The following KIAA0586 variants were observed in gnomAD, a reference collection of about 807,000 sequenced individuals.
KIAA0586 encodes KIAA0586.
In KIAA0586, 144 loss-of-function variants were observed where a neutral mutation model predicts 169.8. That is an observed-to-expected ratio of 0.85 (90% confidence interval 0.74 to 0.97). The LOEUF (loss-of-function observed/expected upper bound fraction) is 0.97, where lower values mean the gene tolerates loss of function less well. KIAA0586 is among the 50% of genes least tolerant of loss of function. KIAA0586 has a pLI of 0.00. For missense variants in KIAA0586, 1,854 were observed against 1,823.0 expected (o/e 1.02, Z -0.31); for synonymous variants, 625 against 612.4 (o/e 1.02, Z -0.30).
At chr14:58,449,325 G>A (rs537385175) in intron 7 of KIAA0586, among the ~76,000 whole-genome samples, 4 of 152,270 alleles carry the variant, frequency 2.6e-5, no homozygotes, top group Admixed American at 6.5e-5. Context: ...CCAGGAATTC[G>A]AGACCAACCT....
intron 29 of KIAA0586, among the ~76,000 whole-genome samples, chr14:58,523,142 A>G (rs921299395): frequency 4.6e-5 from 7 of 152,200 alleles, no homozygotes; most frequent in Non-Finnish European, 8.8e-5. Context: ...AAGGATTGAC[A>G]TGGAAAATCT....
At chr14:58,501,475 A>G (rs2043567707) in intron 27 of KIAA0586, among the ~76,000 whole-genome samples, 1 of 152,256 alleles carries the variant, frequency 6.6e-6, no homozygotes, top group African/African-American at 2.4e-5. Context: ...ATCTGAGAGC[A>G]ACTAGGTACT....
chr14:58,439,335 T>C (rs1012754448), intron 4 of KIAA0586, among the ~76,000 whole-genome samples: 1 of 152,100 alleles, frequency 6.6e-6, no homozygotes, highest in Non-Finnish European at 1.5e-5. Flanking sequence ...TACAGGCGCC[T>C]GCCACCACGC....
At chr14:58,559,185 A>G in the KIAA0586 span, among the ~76,000 whole-genome samples, 1 of 152,224 alleles carries the variant, frequency 6.6e-6, no homozygotes. Flanking sequence ...TTCACCCAGC[A>G]CATGTGCAGT....
intron 27 of KIAA0586, among the ~76,000 whole-genome samples, chr14:58,505,431 T>C (rs1266090032): frequency 1.3e-5 from 2 of 152,226 alleles, no homozygotes; most frequent in African/African-American, 4.8e-5. Flanking sequence ...ACACACATCC[T>C]ACCAGATTGT....
At chr14:58,508,955 T>C (rs550501172) in intron 28 of KIAA0586, among the ~76,000 whole-genome samples, 64 of 152,124 alleles carry the variant, frequency 4.2e-4, no homozygotes, top group Non-Finnish European at 8.4e-4. Flanking sequence ...AATGGCCAGG[T>C]GCAATGGCTC....
intron 3 of KIAA0586, among the ~76,000 whole-genome samples, chr14:58,432,020 G>A (rs1175727113): frequency 6.6e-6 from 1 of 152,198 alleles, no homozygotes; most frequent in Non-Finnish European, 1.5e-5. Context: ...TCAGTGAACA[G>A]AGGTAATTGG....
intron 5 of KIAA0586, 151 bp from the exon 6 acceptor site, chr14:58,443,803 A>G: frequency 1.6e-6 from 1 of 606,290 alleles, no homozygotes. Flanking sequence ...GACTCTAAAA[A>G]TAAAGGCATT....
intron 4 of KIAA0586, chr14:58,433,428 T>G (rs2037548014): frequency 6.6e-6 from 1 of 152,244 alleles, no homozygotes; most frequent in African/African-American, 2.4e-5. Flanking sequence ...TTGTTTGTCT[T>G]AAGAAATTTT....
At chr14:58,519,747 C>T (rs2045054846) in intron 29 of KIAA0586, among the ~76,000 whole-genome samples, 1 of 151,956 alleles carries the variant, frequency 6.6e-6, no homozygotes, top group Non-Finnish European at 1.5e-5. Context: ...AGCTTGTTTC[C>T]CAGTGTAGCA....
intron 29 of KIAA0586, among the ~76,000 whole-genome samples, chr14:58,528,132 T>A (rs1420106408): frequency 2.0e-5 from 3 of 152,220 alleles, no homozygotes; most frequent in African/African-American, 7.2e-5. Context: ...GGTAAAGGGA[T>A]CAATGCGACA....
intron 29 of KIAA0586, among the ~76,000 whole-genome samples, chr14:58,536,299 C>A (rs57991477): frequency 5.9e-5 from 9 of 152,176 alleles, no homozygotes; most frequent in South Asian, 2.1e-4. Context: ...CCCTGCCCCC[C>A]CTTCGCTGGC....
At chr14:58,505,667 A>G (rs1341464019) in intron 27 of KIAA0586, among the ~76,000 whole-genome samples, 3 of 152,122 alleles carry the variant, frequency 2.0e-5, no homozygotes, top group African/African-American at 7.2e-5. Context: ...ATATGAAGAT[A>G]TGTTTCTGAC....
chr14:58,529,835 C>T (rs1466239509), intron 29 of KIAA0586, among the ~76,000 whole-genome samples: 1 of 152,126 alleles, frequency 6.6e-6, no homozygotes, highest in African/African-American at 2.4e-5. Flanking sequence ...CGATTCAACA[C>T]ACTACTGGAA....
intron 8 of KIAA0586, among the ~76,000 whole-genome samples, chr14:58,452,332 C>T (rs1340973365): frequency 2.6e-5 from 4 of 152,098 alleles, no homozygotes; most frequent in Admixed American, 2.6e-4. Context: ...AAATGTACCC[C>T]TTCTAACAAA....
In KIAA0586 at chr14:58,508,823, G is replaced by A. The variant is rs2044185011; in HGVS notation, c.4323+114G>A. Reference sequence around the variant, plus strand: ...CTGGAGTCAGATAGCTTCAAATCATGCCTCCTTTATTTCCTAACTCAAGTC... The same window carrying A: ...CTGGAGTCAGATAGCTTCAAATCATACCTCCTTTATTTCCTAACTCAAGTC... On this transcript the variant is annotated intron_variant, in intron 28 of 30. Coordinates refer to ENST00000652326, the MANE Select transcript of KIAA0586 (RefSeq NM_001329943.3). 9.5e-6 allele frequency: 7 copies of A among 739,324 alleles called. No homozygotes were observed. The South Asian group carries it at 1.1e-4, about 12-fold the overall frequency. 45.8% of individuals were successfully genotyped at this position (739,324 alleles called of 1,614,324 possible).
At chr14:58,538,870 C>T (rs905193678) in intron 29 of KIAA0586, among the ~76,000 whole-genome samples, 11 of 152,096 alleles carry the variant, frequency 7.2e-5, no homozygotes, top group African/African-American at 2.7e-4. Flanking sequence ...ACCTCTGCCT[C>T]CTGGACTCAA....
At position 58,502,431 on chromosome 14, in the gene KIAA0586, C is replaced by T. The variant is rs568628279; in HGVS notation, c.4168+3471C>T. Among the ~76,000 whole-genome samples the T allele has an allele frequency of 3.9e-5, 6 of 152,310 alleles. No individual in the cohort carries two copies. In the South Asian group the frequency reaches 6.2e-4, roughly 16 times the overall value. Reference sequence around the variant, plus strand: ...CTGGGATTACACGTGTGAGCCACTGCGCCCAGCTGATAATGTCTTTTATAA... The same window carrying T: ...CTGGGATTACACGTGTGAGCCACTGTGCCCAGCTGATAATGTCTTTTATAA... On this transcript the variant is annotated intron_variant, in intron 27 of 30. Transcript: ENST00000652326.
chr14:58,468,503 A>C (rs1287995001), intron 16 of KIAA0586, among the ~76,000 whole-genome samples: 1 of 152,224 alleles, frequency 6.6e-6, no homozygotes, highest in African/African-American at 2.4e-5. Context: ...ATTAATTTTA[A>C]AAAGTTAATA....
Sources: gnomAD v4.1 joint callset for allele counts (sites outside exome capture counted in the v4.1 genomes callset) on GRCh38, gnomAD v4.1.1 for gene constraint, MANE v1.5 for transcripts, NCBI Gene and HGNC (gene_info 2026-07-23, HGNC 2026-07-21) for gene names.